The following FHOD3 variants were observed in gnomAD, a reference collection of about 807,000 sequenced individuals.
FHOD3 encodes FH1/FH2 domain-containing protein 3.
In FHOD3, 90 loss-of-function variants were observed where a neutral mutation model predicts 173.0. The ratio of observed to expected loss-of-function variants is 0.52; its 90% CI spans 0.44 to 0.62. FHOD3 has a LOEUF of 0.62. FHOD3 is among the 20% of genes least tolerant of loss of function. FHOD3 has a pLI of 0.00. For synonymous variants in FHOD3, 828 were observed against 823.0 expected (o/e 1.01, Z -0.10); for missense variants, 1,945 against 2,034.7 (o/e 0.96, Z 0.85).
chr18:36,401,232 CTCTTATAGAAGA>C (rs998675628), intron 3 of FHOD3, among the ~76,000 whole-genome samples: 14 of 152,216 alleles, frequency 9.2e-5, no homozygotes, highest in African/African-American at 3.4e-4. Flanking sequence ...AATTGATATC[CTCTTATAGAAGA>C]GGCCCAAGGA....
At chr18:36,502,471 T>A (rs1237323252) in intron 4 of FHOD3, among the ~76,000 whole-genome samples, 5 of 152,192 alleles carry the variant, frequency 3.3e-5, no homozygotes, top group Non-Finnish European at 4.4e-5. Context: ...ATTGTTCAAC[T>A]CTCACTTATG....
chr18:36,568,594 C>T lies in FHOD3; in HGVS notation c.512-7857C>T, dbSNP rs540939721. ...AGATACTGCCCAGGCCCCAGACTGT[C>T]GACTTTGTAGTACACATACAGAGCT... On this transcript the variant is annotated intron_variant, in intron 5 of 28. Transcript: ENST00000590592. Among the ~76,000 whole-genome samples the T allele has an allele frequency of 4.0e-5, 6 of 151,870 alleles. No individual in the cohort carries two copies. The South Asian group carries it at 1.0e-3, about 26-fold the overall frequency.
At chr18:36,412,901 G>C (rs1320461417) in intron 3 of FHOD3, among the ~76,000 whole-genome samples, 1 of 152,240 alleles carries the variant, frequency 6.6e-6, no homozygotes, top group African/African-American at 2.4e-5. Flanking sequence ...GAAGCTCACA[G>C]AGGTCATATT....
At position 36,780,051 on chromosome 18, in the gene FHOD3, A is replaced by T. The variant is rs982420352; in HGVS notation, c.*521A>T. 5 of 905,646 alleles carry T rather than the reference A, an allele frequency of 5.5e-6. No homozygotes were observed. The African/African-American group carries it at 8.6e-5, about 16-fold the overall frequency. The allele number at this position is 905,646 out of a possible 1,614,324, so 56.1% of individuals were successfully genotyped here. ...TCAAATACTAAATAAATAGAGTTTAATGCCATAATGAGAAACTTTTATTCT... is the reference window on the plus strand; with the variant it reads ...TCAAATACTAAATAAATAGAGTTTATTGCCATAATGAGAAACTTTTATTCT... On this transcript the variant is annotated 3_prime_UTR_variant, in exon 29 of 29. Coordinates refer to ENST00000590592, the MANE Select transcript of FHOD3 (RefSeq NM_001281740.3).
chr18:36,551,203 T>C (rs559263588), intron 5 of FHOD3, among the ~76,000 whole-genome samples: 12 of 152,340 alleles, frequency 7.9e-5, no homozygotes, highest in Admixed American at 5.9e-4. Context: ...ACATTGTTTA[T>C]TTTAAAACTG....
intron 9 of FHOD3, among the ~76,000 whole-genome samples, chr18:36,613,613 C>T (rs1019188898): frequency 1.3e-5 from 2 of 152,172 alleles, no homozygotes; most frequent in African/African-American, 4.8e-5. Context: ...CAGTGGCATT[C>T]TGTGTGTATG....
intron 14 of FHOD3, among the ~76,000 whole-genome samples, chr18:36,660,535 G>C (rs2036719633): frequency 6.6e-6 from 1 of 152,236 alleles, no homozygotes; most frequent in South Asian, 2.1e-4. Flanking sequence ...CTTGCCAGGA[G>C]CAGCAGGTTT....
In FHOD3 at chr18:36,744,089, C is replaced by T; in HGVS notation, c.3937C>T (p.His1313Tyr). ...GGTTCCAGAAGTCAAAGACACAGTG[C>T]ACAAGCAGTCGCTTCTCCACCATGT... ...EKVPEVKDTV[H>Y]KQSLLHHVCT... Residue 1313 changes from histidine to tyrosine, a missense_variant, in exon 23 of 29, where the codon CAC becomes TAC. Physicochemically the swap from His to Tyr is moderately conservative, Grantham distance 83. Coordinates refer to ENST00000590592, the MANE Select transcript of FHOD3 (RefSeq NM_001281740.3). The T allele has an allele frequency of 1.2e-6, 2 of 1,614,192 alleles. No individual in the cohort carries two copies. Among genetic ancestry groups the T allele is most frequent in the South Asian group, 1.1e-5 (1 of 91,082 alleles).
intron 5 of FHOD3, among the ~76,000 whole-genome samples, chr18:36,531,252 A>G (rs12456798): frequency 0.54 from 82,711 of 151,982 alleles, 22,765 homozygotes; most frequent in East Asian, 0.63. Flanking sequence ...GCAAGCAGTC[A>G]CTGTCTCCAT....
rs187588413 is a variant in FHOD3 at position 36,491,753 on chromosome 18, C to T, written c.338-10179C>T. Among the ~76,000 whole-genome samples, 421 of 150,206 alleles carry T rather than the reference C, an allele frequency of 2.8e-3. 2 individuals carry two copies. Among genetic ancestry groups the T allele is most frequent in the African/African-American group, 9.9e-3 (394 of 39,636 alleles). Reference sequence around the variant, plus strand: ...GCTGCCTCCTCCGGGCACCTGTACACAGATCTTCCCATATACATTTAAGTT... The same window carrying T: ...GCTGCCTCCTCCGGGCACCTGTACATAGATCTTCCCATATACATTTAAGTT... On this transcript the variant is annotated intron_variant, in intron 3 of 28. Transcript: ENST00000590592.
intron 24 of FHOD3, among the ~76,000 whole-genome samples, chr18:36,748,185 A>G (rs75001066): frequency 6.6e-6 from 1 of 152,144 alleles, no homozygotes; most frequent in East Asian, 1.9e-4. Context: ...TAATTGTTCA[A>G]CTATAAATCT....
rs541576802 is a variant in FHOD3 at position 36,392,011 on chromosome 18, C to T, written c.337+19267C>T. On this transcript the variant is annotated intron_variant, in intron 3 of 28. Coordinates refer to ENST00000590592, the MANE Select transcript of FHOD3 (RefSeq NM_001281740.3). ...TGTGGCATGCTGTGCTCACCGCACACGTAAGCTCTGGCTGTCCTGCCCAGT... is the reference window on the plus strand; with the variant it reads ...TGTGGCATGCTGTGCTCACCGCACATGTAAGCTCTGGCTGTCCTGCCCAGT... 2.8e-3 allele frequency among the ~76,000 whole-genome samples: 419 copies of T among 152,334 alleles called. 5 individuals are homozygous for T. The highest frequency in any genetic ancestry group is 9.7e-3 in the African/African-American group (404 of 41,570).
At chr18:36,691,355 C>T (rs770848987) in intron 16 of FHOD3, among the ~76,000 whole-genome samples, 1 of 152,222 alleles carries the variant, frequency 6.6e-6, no homozygotes, top group Non-Finnish European at 1.5e-5. Flanking sequence ...TATTTGCACT[C>T]ATTTCTTGCC....
At chr18:36,340,409 A>T (rs993067711) in intron 1 of FHOD3, among the ~76,000 whole-genome samples, 4 of 152,178 alleles carry the variant, frequency 2.6e-5, no homozygotes, top group African/African-American at 9.7e-5. Flanking sequence ...GGATTGGAGC[A>T]TACATATCTT....
intron 9 of FHOD3, among the ~76,000 whole-genome samples, chr18:36,615,593 G>C (rs185947451): frequency 6.6e-6 from 1 of 152,106 alleles, no homozygotes; most frequent in African/African-American, 2.4e-5. Context: ...ACATGTTTAA[G>C]AATTTAATGT....
In FHOD3 at chr18:36,418,838, C is replaced by T. The variant is rs80238519; in HGVS notation, c.337+46094C>T. 4.1e-3 allele frequency among the ~76,000 whole-genome samples: 618 copies of T among 152,078 alleles called. 4 individuals carry two copies. The highest frequency in any genetic ancestry group is 0.014 in the African/African-American group (580 of 41,500). ...GCTGAGGTGGGAGGATTCTTGAGCC[C>T]GGGAGGCAGAGGTTGCAATGAGCCG... On this transcript the variant is annotated intron_variant, in intron 3 of 28. Transcript: ENST00000590592.
intron 5 of FHOD3, among the ~76,000 whole-genome samples, chr18:36,524,561 C>T (rs1231473109): frequency 2.6e-5 from 4 of 152,094 alleles, no homozygotes; most frequent in East Asian, 1.9e-4. Flanking sequence ...GAGGAGAGTG[C>T]GCACAGGCAG....
rs548916959 is a variant in FHOD3 at position 36,627,953 on chromosome 18, G to A, written c.1196+2204G>A. ...CACATTGCTCTTCATCCCTGCAAAC[G>A]CCCTGGCCGCACCTAACGCTAGCTT... On this transcript the variant is annotated intron_variant, in intron 10 of 28. Coordinates refer to ENST00000590592, the MANE Select transcript of FHOD3 (RefSeq NM_001281740.3). Among the ~76,000 whole-genome samples the A allele has an allele frequency of 6.8e-4, 103 of 152,206 alleles. 2 individuals are homozygous for A. The highest frequency in any genetic ancestry group is 3.3e-3 in the South Asian group (16 of 4,816).
At chr18:36,534,449 G>T (rs1157621981) in intron 5 of FHOD3, among the ~76,000 whole-genome samples, 3 of 152,024 alleles carry the variant, frequency 2.0e-5, no homozygotes, top group African/African-American at 7.2e-5. Context: ...ACTGGCAGAG[G>T]TGGGACTATT....
Sources: gnomAD v4.1 joint callset for allele counts (sites outside exome capture counted in the v4.1 genomes callset) on GRCh38, gnomAD v4.1.1 for gene constraint, MANE v1.5 for transcripts, NCBI Gene and HGNC (gene_info 2026-07-23, HGNC 2026-07-21) for gene names.